The following MARCHF6 variants were observed in gnomAD, a reference collection of about 807,000 sequenced individuals.
MARCHF6 encodes E3 ubiquitin-protein ligase MARCHF6.
Under a neutral mutation model 133.7 loss-of-function variants are expected in MARCHF6, and 31 were observed. The ratio of observed to expected loss-of-function variants is 0.23; its 90% CI spans 0.17 to 0.31. MARCHF6 has a LOEUF of 0.31. MARCHF6 is among the 10% of genes least tolerant of loss of function. The pLI is 1.00. For missense variants in MARCHF6, 723 were observed against 1,121.6 expected (o/e 0.64, Z 5.08); for synonymous variants, 395 against 402.5 (o/e 0.98, Z 0.22).
At chr5:10,428,102 A>G (rs1392549366) in intron 24 of MARCHF6, among the ~76,000 whole-genome samples, 1 of 151,932 alleles carries the variant, frequency 6.6e-6, no homozygotes, top group Admixed American at 6.6e-5. Context: ...TTGTATAGAG[A>G]GAGGCTGAGC....
At chr5:10,395,436 G>C (rs945069294) in intron 9 of MARCHF6, among the ~76,000 whole-genome samples, 1 of 152,106 alleles carries the variant, frequency 6.6e-6, no homozygotes, top group Non-Finnish European at 1.5e-5. Flanking sequence ...GACACCCCAG[G>C]CTGATGTTAG....
chr5:10,380,313 TA>T (rs1055826998), intron 3 of MARCHF6, among the ~76,000 whole-genome samples: 2 of 152,176 alleles, frequency 1.3e-5, no homozygotes, highest in South Asian at 2.1e-4. Flanking sequence ...ATATTCATCA[TA>T]AAAAAGTCAA....
intron 11 of MARCHF6, 53 bp downstream of exon 11, chr5:10,400,895 T>C (rs1561130027): frequency 6.7e-6 from 9 of 1,334,398 alleles, no homozygotes; most frequent in Non-Finnish European, 9.7e-6. Context: ...CCAAATGTGA[T>C]TATTAATAAA....
intron 1 of MARCHF6, among the ~76,000 whole-genome samples, chr5:10,358,721 C>G (rs958053058): frequency 1.3e-5 from 2 of 152,050 alleles, no homozygotes; most frequent in Admixed American, 6.6e-5. Flanking sequence ...AAAAAACTTG[C>G]AGATGAACTG....
chr5:10,403,902 G>A (rs1234835783), intron 15 of MARCHF6, among the ~76,000 whole-genome samples: 3 of 152,084 alleles, frequency 2.0e-5, no homozygotes, highest in Admixed American at 1.3e-4. Flanking sequence ...GAACTGTACT[G>A]CTGGAAATAA....
At chr5:10,405,965 G>T (rs765337627) in intron 16 of MARCHF6, among the ~76,000 whole-genome samples, 1 of 152,128 alleles carries the variant, frequency 6.6e-6, no homozygotes, top group Non-Finnish European at 1.5e-5. Context: ...TGCATGTCCC[G>T]TTAGGAATGG....
At chr5:10,423,123 G>T (rs564985818) in intron 22 of MARCHF6, among the ~76,000 whole-genome samples, 1 of 151,286 alleles carries the variant, frequency 6.6e-6, no homozygotes, top group African/African-American at 2.4e-5. Flanking sequence ...GGGAAGTTAC[G>T]TTCATGATCT....
intron 1 of MARCHF6, among the ~76,000 whole-genome samples, chr5:10,362,014 C>G (rs540187141): frequency 6.6e-6 from 1 of 152,090 alleles, no homozygotes; most frequent in Admixed American, 6.6e-5. Context: ...CCGCCCACCT[C>G]GGCCTCCCAA....
chr5:10,358,536 G>A (rs907756625), intron 1 of MARCHF6, among the ~76,000 whole-genome samples: 5 of 152,116 alleles, frequency 3.3e-5, no homozygotes, highest in African/African-American at 4.8e-5. Flanking sequence ...AAACAATACA[G>A]TATGATGACT....
intron 3 of MARCHF6, among the ~76,000 whole-genome samples, chr5:10,379,065 GT>G (rs201060722): frequency 2.7e-3 from 195 of 73,078 alleles, no homozygotes; most frequent in African/African-American, 6.0e-3. Context: ...TTTGTGGGGT[GT>G]TTTTTTTTGT....
intron 1 of MARCHF6, among the ~76,000 whole-genome samples, chr5:10,373,788 T>TG (rs1736601073): frequency 6.6e-6 from 1 of 152,184 alleles, no homozygotes; most frequent in Admixed American, 6.5e-5. Context: ...CATCCACACT[T>TG]GCACCCACCC....
Position 10,436,498 on chromosome 5 carries a change from A to G in MARCHF6, c.*2814A>G, listed in dbSNP as rs886261385. On this transcript the variant is annotated 3_prime_UTR_variant, in exon 26 of 26. Transcript: ENST00000274140. ...CATAAATTTTTTTTTAAATTATACT[A>G]TTATTTTGCTTAATTTTATATTGGG... is the stretch of plus-strand genomic sequence containing the variant. 1.3e-5 allele frequency: 2 copies of G among 152,170 alleles called. No homozygotes were observed. Among genetic ancestry groups the G allele is most frequent in the East Asian group, 3.9e-4 (2 of 5,188 alleles). The allele number at this position is 152,170 out of a possible 1,614,324, so 9.4% of individuals were successfully genotyped here. A position where few individuals can be genotyped will look rare whatever the true frequency, so the allele number is the denominator to read the frequency against.
intron 15 of MARCHF6, among the ~76,000 whole-genome samples, chr5:10,404,032 TTTATTTA>T (rs1301881480): frequency 2.3e-3 from 16 of 6,920 alleles, no homozygotes; most frequent in African/African-American, 4.5e-4. Flanking sequence ...ATGGATTACC[TTTATTTA>T]TTTATTTATT....
Position 10,353,862 on chromosome 5 carries a change from GC to G in MARCHF6, c.-35del, listed in dbSNP as rs1735255664. On this transcript the variant is annotated 5_prime_UTR_variant, in exon 1 of 26. Transcript: ENST00000274140. Reference sequence around the variant, plus strand: ...CCTCTTTCCCCGCCCGGCCGCGGGAGCCTCGTGGCTGCGTCACCGCCGCCCC... The same window carrying G: ...CCTCTTTCCCCGCCCGGCCGCGGGAGCTCGTGGCTGCGTCACCGCCGCCCC... The G allele has an allele frequency of 3.2e-6, 5 of 1,555,176 alleles. No individual in the cohort carries two copies. In the East Asian group the frequency reaches 1.2e-4, roughly 38 times the overall value.
At chr5:10,381,979 C>T (rs74321552) in intron 4 of MARCHF6, 36 bp downstream of exon 4, 1 of 1,569,562 alleles carries the variant, frequency 6.4e-7, no homozygotes, top group Admixed American at 1.7e-5. Flanking sequence ...GTTATTTAAA[C>T]ATTGCATAAC....
At chr5:10,369,613 C>CCAA (rs58233763) in intron 1 of MARCHF6, among the ~76,000 whole-genome samples, 1 of 90,206 alleles carries the variant, frequency 1.1e-5, no homozygotes, top group Admixed American at 1.3e-4. Context: ...ACCCCCCCCC[C>CCAA]CCCTTGCAAA....
Position 10,390,438 on chromosome 5 carries a change from G to A in MARCHF6, c.514G>A (p.Ala172Thr). 6.2e-7 allele frequency: 1 copy of A among 1,614,008 alleles called. No homozygotes were observed. The highest frequency in any genetic ancestry group is 1.1e-5 in the South Asian group (1 of 91,066). Reference sequence around the variant, plus strand: ...GAGAGAGCAGATAGTCCATGGGGGAGCACCAATTTGGTTGGAGCATGCTGC... The same window carrying A: ...GAGAGAGCAGATAGTCCATGGGGGAACACCAATTTGGTTGGAGCATGCTGC... Reference protein sequence around the residue: ...WLREQIVHGGAPIWLEHAAPP... With the variant: ...WLREQIVHGGTPIWLEHAAPP... Residue 172 changes from alanine (A) to threonine (T), a missense_variant, in exon 6 of 26, where the codon GCA (alanine) becomes ACA (threonine). By Grantham distance (58) the Ala-to-Thr change is moderately conservative. This residue lies in a region of MARCHF6 where 97 missense variants were observed against 115.4 expected (regional missense o/e 0.84). Coordinates refer to ENST00000274140, the MANE Select transcript of MARCHF6 (RefSeq NM_005885.4).
intron 24 of MARCHF6, among the ~76,000 whole-genome samples, chr5:10,429,549 G>A (rs974899273): frequency 9.2e-5 from 14 of 151,906 alleles, no homozygotes; most frequent in East Asian, 3.9e-4. Context: ...CAGGTGCAAC[G>A]CCACCACACC....
chr5:10,397,747 G>C (rs1015753622), intron 10 of MARCHF6, among the ~76,000 whole-genome samples: 1 of 152,186 alleles, frequency 6.6e-6, no homozygotes, highest in African/African-American at 2.4e-5. Context: ...CTTGGGAGCT[G>C]TTACCAGAGC....
Sources: allele counts gnomAD v4.1 joint callset (sites outside exome capture counted in the v4.1 genomes callset), GRCh38; gene constraint gnomAD v4.1.1; regional missense constraint gnomAD v4.1.1; transcripts MANE v1.5; gene names NCBI Gene and HGNC (gene_info 2026-07-23, HGNC 2026-07-21).